The following MDM1 variants were observed in gnomAD, a reference collection of about 807,000 sequenced individuals.
The protein encoded by MDM1 is Mdm1 nuclear protein.
Under a neutral mutation model 89.1 loss-of-function variants are expected in MDM1, and 61 were observed. That is an observed-to-expected ratio of 0.68 (90% confidence interval 0.56 to 0.85). The LOEUF (loss-of-function observed/expected upper bound fraction) is 0.85. Ranked by LOEUF, MDM1 falls within the 40% of genes least tolerant of loss-of-function variation. The probability of loss-of-function intolerance (pLI) is 0.00; values close to 1 mark genes in which losing one functional copy is unlikely to be tolerated. For missense variants in MDM1, 820 were observed against 846.5 expected, an observed-to-expected ratio of 0.97 and a Z score of 0.39; for synonymous variants, 290 against 294.1, an observed-to-expected ratio of 0.99 and a Z score of 0.14.
In MDM1 at chr12:68,326,688, G is replaced by T; in HGVS notation, c.467C>A (p.Thr156Asn). Residue 156 changes from threonine to asparagine, a missense_variant, in exon 3 of 15, where the codon ACC (threonine) becomes AAC (asparagine). Transcript: ENST00000682720. ...ATCTACATTTTCTGAAAGAACCTTG[G>T]TAGAATGTTCCAGTTCCACATTTTC... ...VNENVELEHS[T>N]KVLSENVDNG... 1 of 1,614,112 alleles carries T rather than the reference G, an allele frequency of 6.2e-7. No individual in the cohort carries two copies. The highest frequency in any genetic ancestry group is 8.5e-7 in the Non-Finnish European group (1 of 1,179,998).
At chr12:68,305,438 A>G (rs1872742586) in intron 12 of MDM1, among the ~76,000 whole-genome samples, 1 of 152,160 alleles carries the variant, frequency 6.6e-6, no homozygotes, top group South Asian at 2.1e-4. Flanking sequence ...AAGAAACAAA[A>G]GGCATCTAAA....
chr12:68,322,582 C>T (rs1267090804), intron 5 of MDM1, among the ~76,000 whole-genome samples: 9 of 151,966 alleles, frequency 5.9e-5, no homozygotes, highest in African/African-American at 9.7e-5. Context: ...TGCAGTGAGC[C>T]GAGATCGTGC....
chr12:68,327,334 G>A (rs2121161990), intron 2 of MDM1: 2 of 1,497,800 alleles, frequency 1.3e-6, no homozygotes, highest in South Asian at 2.6e-5. Context: ...GGCAGGCCAG[G>A]CAGTACATGC....
chr12:68,296,945 T>G lies in MDM1; in HGVS notation c.2040A>C (p.Gln680His). The change falls in exon 14 of 15, where the codon CAA becomes CAC. Residue 680 changes from glutamine (Q) to histidine (H), a missense_variant. Coordinates refer to ENST00000682720, the MANE Select transcript of MDM1 (RefSeq NM_001354969.2). ...TACCTTCATCATTAAAGGCTTCATGTTGAGGTAACTGCAAATTGTTCATCC... is the reference window on the plus strand; with the variant it reads ...TACCTTCATCATTAAAGGCTTCATGGTGAGGTAACTGCAAATTGTTCATCC... The part of the protein sequence containing the change: ...KARMNNLQLP[Q>H]HEAFNDEDED... The G allele has an allele frequency of 6.3e-7, 1 of 1,592,790 alleles. No individual in the cohort carries two copies. The highest frequency in any genetic ancestry group is 8.5e-7 in the Non-Finnish European group (1 of 1,172,070).
rs970721713 is a variant in MDM1 at position 68,332,354 on chromosome 12, C to A, written c.-109G>T. 3 of 1,346,628 alleles carry A rather than the reference C, an allele frequency of 2.2e-6. No homozygotes were observed. Among genetic ancestry groups the A allele is most frequent in the Non-Finnish European group, 1.0e-6 (1 of 1,004,618 alleles). 83.4% of individuals were successfully genotyped at this position (1,346,628 alleles called of 1,614,324 possible). The stretch of plus-strand genomic sequence containing the variant: ...TAGCAAAGCCTCGGCCCGGCGTCCC[C>A]GACTACGCGCCGGCGCACTCCGCGC... On this transcript the variant is annotated 5_prime_UTR_variant, in exon 1 of 15. Transcript: ENST00000682720.
At chr12:68,316,721 T>C in intron 7 of MDM1, 111 bp from the exon 8 acceptor site, 1 of 864,030 alleles carries the variant, frequency 1.2e-6, no homozygotes, top group Non-Finnish European at 1.8e-6. Flanking sequence ...ACCAAACTTG[T>C]CAATCAATAT....
chr12:68,325,662 AATCT>A (rs1875867212), intron 3 of MDM1, 87 bp from the exon 4 acceptor site: 1 of 1,387,414 alleles, frequency 7.2e-7, no homozygotes, highest in Non-Finnish European at 9.4e-7. Flanking sequence ...CATAACATGA[AATCT>A]ATCCTCTTAA....
At chr12:68,299,823 G>A (rs1871904437) in intron 13 of MDM1, among the ~76,000 whole-genome samples, 1 of 152,128 alleles carries the variant, frequency 6.6e-6, no homozygotes. Context: ...CCAAATACAA[G>A]AAGCTCAATG....
At chr12:68,309,858 A>G (rs1329670064) in intron 12 of MDM1, among the ~76,000 whole-genome samples, 1 of 152,218 alleles carries the variant, frequency 6.6e-6, no homozygotes, top group Non-Finnish European at 1.5e-5. Context: ...CTGGGAAATA[A>G]CCAAATCTAG....
Position 68,316,473 on chromosome 12 carries a change from G to C in MDM1, c.1035+108C>G, listed in dbSNP as rs1049313582. ...ATTTTATTTCAGACCAGCAGGCAGG[G>C]AGAAATTCATAGCAGCTAAGAAAAA... On this transcript the variant is annotated intron_variant, in intron 8 of 14. Coordinates refer to ENST00000682720, the MANE Select transcript of MDM1 (RefSeq NM_001354969.2). 12 of 1,012,458 alleles carry C rather than the reference G, an allele frequency of 1.2e-5. No individual in the cohort carries two copies. The Admixed American group carries it at 2.6e-4, about 22-fold the overall frequency. 62.7% of individuals were successfully genotyped at this position (1,012,458 alleles called of 1,614,324 possible).
At chr12:68,327,618 A>C (rs1876201998) in intron 2 of MDM1, 1 of 1,083,666 alleles carries the variant, frequency 9.2e-7, no homozygotes, top group East Asian at 2.6e-5. Flanking sequence ...TATGAAGGTA[A>C]GAGCAGCTCT....
Position 68,316,122 on chromosome 12 carries a change from T to C in MDM1, c.1167A>G (p.Ser389=). The part of the protein sequence containing the change: ...CCWDVSSTTS[S]EGTVSSNIRA... ...TGATGTTGCTACTAACGGTTCCTTC[T>C]GAGCTTGTGGTTGAGGAGACATCCC... Residue 389 remains serine, a synonymous_variant, in exon 9 of 15, where the codon TCA becomes TCG. Coordinates refer to ENST00000682720, the MANE Select transcript of MDM1 (RefSeq NM_001354969.2). The C allele has an allele frequency of 8.7e-6, 14 of 1,613,848 alleles. No individual in the cohort carries two copies. The highest frequency in any genetic ancestry group is 1.2e-5 in the Non-Finnish European group (14 of 1,179,786).
intron 13 of MDM1, among the ~76,000 whole-genome samples, chr12:68,298,291 G>A (rs374027432): frequency 5.9e-5 from 9 of 152,296 alleles, no homozygotes; most frequent in African/African-American, 2.2e-4. Context: ...ACGCAAGAAA[G>A]CCAGCACCCT....
intron 2 of MDM1, chr12:68,327,378 A>C (rs1167108472): frequency 6.5e-7 from 1 of 1,534,882 alleles, no homozygotes; most frequent in African/African-American, 1.4e-5. Flanking sequence ...TGTGCTACTT[A>C]ACAGAACAAT....
chr12:68,315,895 T>C (rs1410714255), intron 9 of MDM1, among the ~76,000 whole-genome samples, 183 bp downstream of exon 9: 3 of 152,208 alleles, frequency 2.0e-5, no homozygotes, highest in Non-Finnish European at 4.4e-5. Flanking sequence ...GTGTTATTTA[T>C]ACATAAATAA....
In MDM1 at chr12:68,294,790, C is replaced by T. The variant is rs1310897295; in HGVS notation, c.*464G>A. On this transcript the variant is annotated 3_prime_UTR_variant, in exon 15 of 15. Coordinates refer to ENST00000682720, the MANE Select transcript of MDM1 (RefSeq NM_001354969.2). ...TCAAAGTACAATTATCTTAACACTG[C>T]AAACATGTATAGAAGGAACTAAAAT... 6.6e-6 allele frequency: 1 copy of T among 152,090 alleles called. No homozygotes were observed. Among genetic ancestry groups the T allele is most frequent in the African/African-American group, 2.4e-5 (1 of 41,396 alleles). The allele number at this position is 152,090 out of a possible 1,614,324, so 9.4% of individuals were successfully genotyped here.
chr12:68,300,843 A>T (rs1872052594), intron 13 of MDM1, among the ~76,000 whole-genome samples: 2 of 152,242 alleles, frequency 1.3e-5, no homozygotes, highest in Non-Finnish European at 2.9e-5. Context: ...CATTCTACCC[A>T]ACAATTGTAG....
intron 7 of MDM1, 56 bp downstream of exon 7, chr12:68,321,289 TAA>T: frequency 7.5e-7 from 1 of 1,339,484 alleles, no homozygotes; most frequent in Non-Finnish European, 1.0e-6. Context: ...GTTGTGAAAT[TAA>T]AGTGTTAACA....
In MDM1 at chr12:68,316,192, GA is replaced by G; in HGVS notation, c.1096del (p.Ser366LeufsTer5). ...TAAAATCTGATTCAGATGGTCCCGA[GA>G]AAAATGCGTCCCCTGAACTCGCTTC... ...YRKRVQGTHF[S>X]RDHLNQILSD... On this transcript the variant is annotated frameshift_variant, in exon 9 of 15. Coordinates refer to ENST00000682720, the MANE Select transcript of MDM1 (RefSeq NM_001354969.2). LOFTEE classifies it high-confidence loss of function. 1 of 1,614,022 alleles carries G rather than the reference GA, an allele frequency of 6.2e-7. No homozygotes were observed. The highest frequency in any genetic ancestry group is 1.1e-5 in the South Asian group (1 of 91,070).
Sources: gnomAD v4.1 joint callset for allele counts (sites outside exome capture counted in the v4.1 genomes callset) on GRCh38, gnomAD v4.1.1 for gene constraint, MANE v1.5 for transcripts, NCBI Gene and HGNC (gene_info 2026-07-23, HGNC 2026-07-21) for gene names.